FRMD3: variants seen among roughly 807,000 people sequenced by gnomAD.
The protein encoded by FRMD3 is FERM domain containing 3.
FRMD3 carries 33 observed loss-of-function variants against 70.2 expected under a neutral mutation model. That is an observed-to-expected ratio of 0.47 (90% confidence interval 0.36 to 0.63). The LOEUF is 0.63. FRMD3 is among the 20% of genes least tolerant of loss of function. The pLI, the probability that FRMD3 is intolerant of heterozygous loss-of-function variation, is 0.00. For synonymous variants in FRMD3, 279 were observed against 255.9 expected, an observed-to-expected ratio of 1.09 and a Z score of -0.86; for missense variants, 632 against 711.4, an observed-to-expected ratio of 0.89 and a Z score of 1.27.
chr9:83,378,767 TATATATA>T (rs1219445219), intron 2 of FRMD3, among the ~76,000 whole-genome samples: 5 of 120,526 alleles, frequency 4.1e-5, no homozygotes, highest in Non-Finnish European at 7.9e-5. Context: ...TAATTTATAT[TATATATA>T]ATATATATTA....
At chr9:83,514,364 G>C (rs1484617796) in intron 1 of FRMD3, among the ~76,000 whole-genome samples, 2 of 152,190 alleles carry the variant, frequency 1.3e-5, no homozygotes, top group African/African-American at 4.8e-5. Flanking sequence ...GAACTGGACA[G>C]AGCCCACCGA....
chr9:83,472,068 G>C (rs1405175824), intron 1 of FRMD3, among the ~76,000 whole-genome samples: 2 of 151,814 alleles, frequency 1.3e-5, no homozygotes, highest in Admixed American at 1.3e-4. Context: ...TCATTGAAGG[G>C]ACTAGGGTGC....
chr9:83,294,966 C>T (rs2118997889), intron 12 of FRMD3, among the ~76,000 whole-genome samples: 1 of 152,292 alleles, frequency 6.6e-6, no homozygotes, highest in African/African-American at 2.4e-5. Context: ...CCTGAGGTCC[C>T]TCCAGGCCAG....
At chr9:83,336,178 T>C (rs1333264727) in intron 5 of FRMD3, among the ~76,000 whole-genome samples, 1 of 152,024 alleles carries the variant, frequency 6.6e-6, no homozygotes, top group Admixed American at 6.6e-5. Flanking sequence ...CCTGAGAGGG[T>C]AGCTTTTAAT....
chr9:83,248,470 G>A lies in FRMD3; in HGVS notation c.1242C>T (p.Ser414=). The part of the protein sequence containing the change: ...KEENISAPLI[S]SSPVKAAREY... Reference sequence around the variant, plus strand: ...CCCGGGCTGCCTTCACTGGGGAGCTGGAGATCAAGGGAGCAGAAATGTTCT... The same window carrying A: ...CCCGGGCTGCCTTCACTGGGGAGCTAGAGATCAAGGGAGCAGAAATGTTCT... The change falls in exon 14 of 14, where the codon TCC becomes TCT. Residue 414 remains serine (S), a synonymous_variant. Transcript: ENST00000304195. The A allele has an allele frequency of 1.2e-6, 2 of 1,612,956 alleles. No individual in the cohort carries two copies. The highest frequency in any genetic ancestry group is 4.5e-5 in the East Asian group (2 of 44,868).
chr9:83,562,140 G>A, the FRMD3 span, among the ~76,000 whole-genome samples: 3 of 152,150 alleles, frequency 2.0e-5, no homozygotes, highest in African/African-American at 4.8e-5. Context: ...ACGAGCTAGC[G>A]GGATATTTAG....
chr9:83,278,305 T>C (rs1833860029), intron 13 of FRMD3, among the ~76,000 whole-genome samples: 1 of 152,074 alleles, frequency 6.6e-6, no homozygotes, highest in African/African-American at 2.4e-5. Context: ...AGGAAGGAGC[T>C]GAGATTTTAA....
intron 1 of FRMD3, among the ~76,000 whole-genome samples, chr9:83,415,675 T>C (rs1826418988): frequency 6.8e-6 from 1 of 147,640 alleles, no homozygotes; most frequent in African/African-American, 2.5e-5. Flanking sequence ...TTAGCCAGGA[T>C]GGTCTCGGTC....
At chr9:83,553,536 C>A in the FRMD3 span, among the ~76,000 whole-genome samples, 2 of 152,178 alleles carry the variant, frequency 1.3e-5, no homozygotes, top group Non-Finnish European at 2.9e-5. Flanking sequence ...TAATCCCATA[C>A]CTCTTTGAGG....
chr9:83,339,359 A>T (rs1823681715), intron 5 of FRMD3, among the ~76,000 whole-genome samples: 2 of 152,156 alleles, frequency 1.3e-5, no homozygotes, highest in South Asian at 4.1e-4. Context: ...GTAAGCCGCC[A>T]TGGTTCTCCC....
rs1269506946 is a variant in FRMD3 at position 83,290,663 on chromosome 9, G to A, written c.1135C>T (p.Pro379Ser). The A allele has an allele frequency of 6.2e-7, 1 of 1,613,992 alleles. No individual in the cohort carries two copies. The highest frequency in any genetic ancestry group is 8.5e-7 in the Non-Finnish European group (1 of 1,179,930). The change falls in exon 13 of 14, where the codon CCC becomes TCC. Residue 379 changes from proline (P) to serine (S), a missense_variant. This residue lies in a region of FRMD3 where 418 missense variants were observed against 442.1 expected (regional missense o/e 0.95). Coordinates refer to ENST00000304195, the MANE Select transcript of FRMD3 (RefSeq NM_174938.6). ...LNKQLIINME[P>S]LQPLLPSPSE... is the part of the protein sequence containing the mutation. ...GGGGAAGGAAGCAGGGGCTGCAGGG[G>A]TTCCATGTTAATGATGAGCTGTTTG... is the stretch of plus-strand genomic sequence containing the variant.
chr9:83,455,300 T>C (rs186661557), intron 1 of FRMD3, among the ~76,000 whole-genome samples: 1 of 152,200 alleles, frequency 6.6e-6, no homozygotes, highest in East Asian at 1.9e-4. Context: ...TTGATATGGT[T>C]TGGCTGTGTC....
chr9:83,334,488 T>C (rs937085015), intron 6 of FRMD3, among the ~76,000 whole-genome samples: 1 of 152,254 alleles, frequency 6.6e-6, no homozygotes, highest in Non-Finnish European at 1.5e-5. Context: ...GACAGTTGTC[T>C]GTTCCAGAAT....
At chr9:83,402,898 C>CT (rs559570925) in intron 1 of FRMD3, among the ~76,000 whole-genome samples, 17,503 of 86,994 alleles carry the variant, frequency 0.2, 1,868 homozygotes, top group South Asian at 0.3. Flanking sequence ...TTCTTTCTTT[C>CT]TTTTTTTTTT....
chr9:83,248,397 G>A lies in FRMD3; in HGVS notation c.1315C>T (p.Pro439Ser). The A allele has an allele frequency of 2.5e-6, 4 of 1,614,118 alleles. No individual in the cohort carries two copies. Among genetic ancestry groups the A allele is most frequent in the Non-Finnish European group, 3.4e-6 (4 of 1,180,020 alleles). ...TACACTAGTTCAGAGATGGTTAAAG[G>A]TTCTTCTTTTATTTTATCTTCCTCT... Reference protein sequence around the residue: ...SEEEDKIKEEPLTISELVYNP... With the variant: ...SEEEDKIKEESLTISELVYNP... Residue 439 changes from proline (P) to serine (S), a missense_variant, in exon 14 of 14, where the codon CCT (proline) becomes TCT (serine). By Grantham distance (74) the Pro-to-Ser change is moderately conservative. Transcript: ENST00000304195.
chr9:83,392,962 C>G (rs538631333), intron 1 of FRMD3, among the ~76,000 whole-genome samples: 1 of 152,122 alleles, frequency 6.6e-6, no homozygotes, highest in East Asian at 1.9e-4. Flanking sequence ...AGAGCTGTTA[C>G]CTAAATTATG....
In FRMD3 at chr9:83,341,424, T is replaced by C. The variant is rs146005623; in HGVS notation, c.472+1766A>G. Among the ~76,000 whole-genome samples, 223 of 152,240 alleles carry C rather than the reference T, an allele frequency of 1.5e-3. 1 individual carries two copies. Among genetic ancestry groups the C allele is most frequent in the African/African-American group, 5.0e-3 (209 of 41,556 alleles). ...TTCCATTATAGATCCATATTGAGCA[T>C]GTCCTTGGAGAATTGATGGTAATTC... On this transcript the variant is annotated intron_variant, in intron 5 of 13. Coordinates refer to ENST00000304195, the MANE Select transcript of FRMD3 (RefSeq NM_174938.6).
intron 1 of FRMD3, among the ~76,000 whole-genome samples, chr9:83,431,270 C>A (rs1293506033): frequency 6.6e-6 from 1 of 152,184 alleles, no homozygotes; most frequent in African/African-American, 2.4e-5. Flanking sequence ...TAATGTATTT[C>A]GTGTTTTGCA....
intron 9 of FRMD3, among the ~76,000 whole-genome samples, chr9:83,310,011 T>G (rs949101195): frequency 1.2e-4 from 18 of 152,256 alleles, no homozygotes; most frequent in African/African-American, 4.1e-4. Flanking sequence ...CCTCTGAGGC[T>G]TAATATTTTG....
Sources: allele counts gnomAD v4.1 joint callset (sites outside exome capture counted in the v4.1 genomes callset), GRCh38; gene constraint gnomAD v4.1.1; regional missense constraint gnomAD v4.1.1; transcripts MANE v1.5; gene names NCBI Gene and HGNC (gene_info 2026-07-23, HGNC 2026-07-21).